The following NDUFC1 variants were observed in gnomAD, a reference collection of about 807,000 sequenced individuals.
NDUFC1 encodes NADH:ubiquinone oxidoreductase subunit C1.
In NDUFC1, 11 loss-of-function variants were observed where a neutral mutation model predicts 11.6. That is an observed-to-expected ratio of 0.95 (90% CI 0.60 to 1.58). The LOEUF (loss-of-function observed/expected upper bound fraction) is 1.58. NDUFC1 is among the 40% of genes most tolerant of loss of function. The probability of loss-of-function intolerance (pLI) is 0.00; values close to 1 mark genes in which losing one functional copy is unlikely to be tolerated. For missense variants in NDUFC1, 112 were observed against 93.0 expected (o/e 1.20, Z -0.84); for synonymous variants, 52 against 42.2 (o/e 1.23, Z -0.90).
chr4:139,294,354 C>T (rs1263496836), intron 4 of NDUFC1, among the ~76,000 whole-genome samples: 1 of 152,192 alleles, frequency 6.6e-6, no homozygotes, highest in Non-Finnish European at 1.5e-5. Flanking sequence ...ATTTGTACAA[C>T]TTGCACACTG....
chr4:139,296,962 C>T (rs1000903599), intron 2 of NDUFC1, among the ~76,000 whole-genome samples: 2 of 152,150 alleles, frequency 1.3e-5, no homozygotes, highest in African/African-American at 2.4e-5. Flanking sequence ...ATTAATTGCA[C>T]TGTGTTTTCT....
At chr4:139,290,955 G>A (rs534810251) in intron 5 of NDUFC1, among the ~76,000 whole-genome samples, 16 of 151,442 alleles carry the variant, frequency 1.1e-4, no homozygotes, top group South Asian at 8.4e-4. Context: ...GACTACGGGC[G>A]CGCACCACCA....
chr4:139,294,674 T>G (rs1364977403), intron 4 of NDUFC1, among the ~76,000 whole-genome samples: 1 of 150,410 alleles, frequency 6.6e-6, no homozygotes, highest in East Asian at 2.0e-4. Context: ...GGCAGAGCTT[T>G]CAGTGAGCCG....
At position 139,295,848 on chromosome 4, in the gene NDUFC1, A is replaced by G; in HGVS notation, c.-50T>C. Reference sequence around the variant, plus strand: ...CCGAGTTGGCAACAGAACCAGCGCCACCTGGCGGCCGGAAGTGCGGGACTC... The same window carrying G: ...CCGAGTTGGCAACAGAACCAGCGCCGCCTGGCGGCCGGAAGTGCGGGACTC... On this transcript the variant is annotated 5_prime_UTR_variant, in exon 3 of 6. Coordinates refer to ENST00000394223, the MANE Select transcript of NDUFC1 (RefSeq NM_001184989.2). The G allele has an allele frequency of 6.5e-7, 1 of 1,530,524 alleles. No homozygotes were observed. The allele number at this position is 1,530,524 out of a possible 1,614,324, so 94.8% of individuals were successfully genotyped here.
chr4:139,297,250 C>T (rs1013268025), intron 2 of NDUFC1, 135 bp downstream of exon 2: 1 of 152,188 alleles, frequency 6.6e-6, no homozygotes, highest in Non-Finnish European at 1.5e-5. Flanking sequence ...GTATTCAGAA[C>T]CAGTAAGCAA....
chr4:139,291,125 T>A (rs533379341), intron 5 of NDUFC1, among the ~76,000 whole-genome samples: 45 of 148,694 alleles, frequency 3.0e-4, no homozygotes, highest in African/African-American at 7.8e-4. Flanking sequence ...TGTATATATT[T>A]TATATATATA....
intron 5 of NDUFC1, 59 bp downstream of exon 5, chr4:139,292,471 T>A (rs1745269128): frequency 3.8e-6 from 3 of 794,192 alleles, no homozygotes; most frequent in South Asian, 4.4e-5. Flanking sequence ...TTTCAGTATT[T>A]AAAAAAGAGG....
Position 139,295,121 on chromosome 4 carries a change from C to T in NDUFC1, c.93G>A (p.Val31=), listed in dbSNP as rs1233744288. Reference sequence around the variant, plus strand: ...CAGGTTTGGCATTCGGCGGCTCTCGCACGTAGAACTTTGATCGCACTGAAG... The same window carrying T: ...CAGGTTTGGCATTCGGCGGCTCTCGTACGTAGAACTTTGATCGCACTGAAG... ...SGPSVRSKFY[V]REPPNAKPDW... Residue 31 remains valine (V), a synonymous_variant, in exon 4 of 6, where the codon GTG becomes GTA. Coordinates refer to ENST00000394223, the MANE Select transcript of NDUFC1 (RefSeq NM_001184989.2). 6.2e-7 allele frequency: 1 copy of T among 1,614,038 alleles called. No homozygotes were observed. The highest frequency in any genetic ancestry group is 1.3e-5 in the African/African-American group (1 of 74,920).
At chr4:139,291,410 A>G (rs572640340) in intron 5 of NDUFC1, among the ~76,000 whole-genome samples, 82 of 152,032 alleles carry the variant, frequency 5.4e-4, no homozygotes, top group African/African-American at 1.6e-3. Context: ...GCCCGTCTCT[A>G]TCAAAAATAC....
chr4:139,295,281 A>AGTG (rs1240939888), intron 3 of NDUFC1, 135 bp from the exon 4 acceptor site: 10 of 690,424 alleles, frequency 1.4e-5, no homozygotes, highest in Non-Finnish European at 2.3e-5. Flanking sequence ...CCAAGGAAAT[A>AGTG]GAGGTTCAAA....
Position 139,295,938 on chromosome 4 carries a change from G to A in NDUFC1, c.-140C>T. 1.3e-6 allele frequency: 1 copy of A among 783,052 alleles called. No individual in the cohort carries two copies. The highest frequency in any genetic ancestry group is 2.0e-6 in the Non-Finnish European group (1 of 493,424). The allele number at this position is 783,052 out of a possible 1,614,324, so 48.5% of individuals were successfully genotyped here. On this transcript the variant is annotated 5_prime_UTR_variant, in exon 3 of 6. Coordinates refer to ENST00000394223, the MANE Select transcript of NDUFC1 (RefSeq NM_001184989.2). ...AATTCCAGCACGGCAAGGTTCTCTA[G>A]CACCCCGGCCTCAGCCTTCTGTCTA...
At chr4:139,298,792 G>A (rs933165184) in intron 1 of NDUFC1, among the ~76,000 whole-genome samples, 12 of 151,640 alleles carry the variant, frequency 7.9e-5, no homozygotes, top group African/African-American at 2.7e-4. Context: ...TCCCACCCAA[G>A]CCCACAAAGT....
intron 1 of NDUFC1, chr4:139,301,831 G>T: frequency 6.3e-7 from 1 of 1,592,816 alleles, no homozygotes; most frequent in East Asian, 2.3e-5. Flanking sequence ...AGCGGATCTT[G>T]GTAAGTGTGA....
intron 4 of NDUFC1, 48 bp downstream of exon 4, chr4:139,294,995 C>G: frequency 7.0e-7 from 1 of 1,421,918 alleles, no homozygotes. Flanking sequence ...ATGTCATTCC[C>G]TTACCACGCT....
chr4:139,300,276 G>A (rs34934709), intron 1 of NDUFC1, among the ~76,000 whole-genome samples: 39,982 of 152,004 alleles, frequency 0.26, 5,529 homozygotes, highest in African/African-American at 0.35. Context: ...TTATGACCCC[G>A]GTGAAGGGCG....
chr4:139,301,307 T>A (rs1745715715), intron 1 of NDUFC1: 1 of 390,916 alleles, frequency 2.6e-6, no homozygotes, highest in Non-Finnish European at 4.5e-6. Flanking sequence ...CTCCCGTAGC[T>A]CCGCGGGCGC....
At chr4:139,298,332 G>A (rs966982677) in intron 1 of NDUFC1, among the ~76,000 whole-genome samples, 6 of 151,720 alleles carry the variant, frequency 4.0e-5, no homozygotes, top group Non-Finnish European at 7.4e-5. Context: ...CCAGCTACTC[G>A]GGAGGCTGAG....
chr4:139,301,221 GA>G, intron 1 of NDUFC1: 1 of 273,326 alleles, frequency 3.7e-6, no homozygotes, highest in Non-Finnish European at 6.8e-6. Context: ...TCCAAGGAAT[GA>G]AAGGTCGATC....
intron 1 of NDUFC1, chr4:139,301,639 C>T: frequency 8.5e-6 from 8 of 939,272 alleles, no homozygotes; most frequent in Non-Finnish European, 1.1e-5. Context: ...TAGGGCAACG[C>T]GGCGACACCC....
Sources: gnomAD v4.1 joint callset for allele counts (sites outside exome capture counted in the v4.1 genomes callset) on GRCh38, gnomAD v4.1.1 for gene constraint, MANE v1.5 for transcripts, NCBI Gene and HGNC (gene_info 2026-07-23, HGNC 2026-07-21) for gene names.